Variants in IKZF4 observed in about 807,000 individuals in gnomAD.
The protein encoded by IKZF4 is zinc finger protein Eos.
IKZF4 carries 11 observed loss-of-function variants against 47.7 expected under a neutral mutation model. The observed-to-expected ratio is 0.23, with a 90% confidence interval of 0.15 to 0.38. The LOEUF (loss-of-function observed/expected upper bound fraction) is 0.38, where lower values mean the gene tolerates loss of function less well. Among genes scored for constraint, IKZF4 ranks in the 10% least tolerant of loss-of-function variants. The pLI is 1.00. For missense variants in IKZF4, 557 were observed against 784.9 expected, an observed-to-expected ratio of 0.71 and a Z score of 3.47; for synonymous variants, 298 against 299.4, an observed-to-expected ratio of 1.00 and a Z score of 0.05.
At chr12:56,029,082 C>T (rs1353644485) in intron 5 of IKZF4, among the ~76,000 whole-genome samples, 7 of 152,164 alleles carry the variant, frequency 4.6e-5, no homozygotes, top group Admixed American at 4.6e-4. Flanking sequence ...CTTCTGGCTC[C>T]TGGAAATATC....
chr12:56,017,612 G>C (rs1295619228), upstream of IKZF4, among the ~76,000 whole-genome samples: 1 of 152,144 alleles, frequency 6.6e-6, no homozygotes, highest in African/African-American at 2.4e-5. Flanking sequence ...CTCAGAGGCT[G>C]GGGAGGCCTG....
Position 56,024,755 on chromosome 12 carries a change from G to A in IKZF4, c.182-299G>A, listed in dbSNP as rs1425179868. On this transcript the variant is annotated intron_variant, in intron 2 of 7. Coordinates refer to ENST00000547167, the MANE Select transcript of IKZF4 (RefSeq NM_022465.4). ...TTCTGCAGCCCCCATTTTCCTCTCCGCCCTGGCGCACCCAGCCTCAGCCCT... is the reference window on the plus strand; with the variant it reads ...TTCTGCAGCCCCCATTTTCCTCTCCACCCTGGCGCACCCAGCCTCAGCCCT... 27 of 1,249,974 alleles carry A rather than the reference G, an allele frequency of 2.2e-5. No individual in the cohort carries two copies. In the East Asian group the frequency reaches 6.0e-4, roughly 28 times the overall value. The allele number at this position is 1,249,974 out of a possible 1,614,324, so 77.4% of individuals were successfully genotyped here. A position where few individuals can be genotyped will look rare whatever the true frequency, so the allele number is the denominator to read the frequency against.
Position 56,021,542 on chromosome 12 carries a change from G to A in IKZF4, c.49G>A (p.Val17Ile), listed in dbSNP as rs200210495. 107 of 1,609,330 alleles carry A rather than the reference G, an allele frequency of 6.6e-5. 4 individuals carry two copies. In the South Asian group the frequency reaches 1.0e-3, roughly 15 times the overall value. ...LPRRFQGGGR[V>I]RTPGSHRQGK... ...TCGCCGTTTCCAAGGCGGCGGCCGC[G>A]TTCGCACCCCAGGGTCTCACCGGCA... Residue 17 changes from valine (V) to isoleucine (I), a missense_variant, in exon 1 of 8, where the codon GTT becomes ATT. Transcript: ENST00000547167.
Position 56,021,396 on chromosome 12 carries a change from G to C in IKZF4, c.-98G>C. The C allele has an allele frequency of 6.5e-7, 1 of 1,550,114 alleles. No individual in the cohort carries two copies. Among genetic ancestry groups the C allele is most frequent in the Non-Finnish European group, 8.7e-7 (1 of 1,147,078 alleles). On this transcript the variant is annotated 5_prime_UTR_variant, in exon 1 of 8. Coordinates refer to ENST00000547167, the MANE Select transcript of IKZF4 (RefSeq NM_022465.4). ...CTCTGCTCACCGTGCCGCTGCTGCT[G>C]CCTGCGAAATGACGGCGGTTCCCCT...
At position 56,024,823 on chromosome 12, in the gene IKZF4, C is replaced by G; in HGVS notation, c.182-231C>G. On this transcript the variant is annotated intron_variant, in intron 2 of 7. Coordinates refer to ENST00000547167, the MANE Select transcript of IKZF4 (RefSeq NM_022465.4). ...GGCAGTGATGCTCTTGCCCTCAGGCCTAGATAAAGGTAGGGTAGGCAAGGC... is the reference window on the plus strand; with the variant it reads ...GGCAGTGATGCTCTTGCCCTCAGGCGTAGATAAAGGTAGGGTAGGCAAGGC... The G allele has an allele frequency of 2.9e-6, 4 of 1,391,376 alleles. No individual in the cohort carries two copies. The South Asian group carries it at 5.7e-5, about 20-fold the overall frequency. 86.2% of individuals were successfully genotyped at this position (1,391,376 alleles called of 1,614,324 possible).
upstream of IKZF4, chr12:56,019,485 TA>T (rs1170756347): frequency 3.0e-6 from 1 of 337,806 alleles, no homozygotes; most frequent in African/African-American, 2.2e-5. Flanking sequence ...AGGCATTCAA[TA>T]TCTGCCACAT....
At chr12:56,033,585 T>TA (rs1447302554) in intron 7 of IKZF4, among the ~76,000 whole-genome samples, 2 of 152,066 alleles carry the variant, frequency 1.3e-5, no homozygotes, top group Non-Finnish European at 2.9e-5. Flanking sequence ...CGGGCACCTG[T>TA]AGTCCCAGCT....
rs1267029540 is a variant in IKZF4 at position 56,023,753 on chromosome 12, T to C, written c.170T>C (p.Leu57Ser). ...QDSNHFIMES[L>S]FCESSGDSSL... is the part of the protein sequence containing the mutation. The stretch of plus-strand genomic sequence containing the variant: ...TCCAACCATTTTATAATGGAATCTT[T>C]ATTTTGTGAAAGTAAGTATGTGCAT... The change falls in exon 2 of 8, where the codon TTA becomes TCA. Residue 57 changes from leucine to serine, a missense_variant. Leu to Ser is a moderately radical substitution (Grantham distance 145). This residue lies in a region of IKZF4 where 112 missense variants were observed against 168.2 expected (regional missense o/e 0.67). Transcript: ENST00000547167. The C allele has an allele frequency of 6.2e-7, 1 of 1,613,790 alleles. No individual in the cohort carries two copies. Among genetic ancestry groups the C allele is most frequent in the East Asian group, 2.2e-5 (1 of 44,868 alleles).
chr12:56,016,425 T>C (rs1194869268), upstream of IKZF4, among the ~76,000 whole-genome samples: 1 of 133,056 alleles, frequency 7.5e-6, no homozygotes, highest in East Asian at 2.1e-4. Flanking sequence ...TTTTCTTTTC[T>C]TTTTTTTTTT....
chr12:56,029,857 C>A (rs1386431042), intron 5 of IKZF4: 1 of 152,162 alleles, frequency 6.6e-6, no homozygotes, highest in Non-Finnish European at 1.5e-5. Flanking sequence ...AATACATACT[C>A]CTTTTCCTCA....
intron 2 of IKZF4, chr12:56,024,801 A>C: frequency 7.5e-7 from 1 of 1,334,278 alleles, no homozygotes; most frequent in Non-Finnish European, 9.6e-7. Context: ...GACGTCAGGC[A>C]GTGATGCTCT....
At chr12:56,023,894 G>A in intron 2 of IKZF4, 130 bp downstream of exon 2, 1 of 1,496,278 alleles carries the variant, frequency 6.7e-7, no homozygotes, top group Non-Finnish European at 8.9e-7. Context: ...ATTTAGGCCT[G>A]TGTGCACACA....
rs56857131 is a variant in IKZF4, at chr12:56,021,294, TCA to T, written c.-178_-177del. 1.9e-4 allele frequency: 220 copies of T among 1,141,518 alleles called. No individual in the cohort carries two copies. Among genetic ancestry groups the T allele is most frequent in the African/African-American group, 4.7e-4 (27 of 57,526 alleles). The allele number at this position is 1,141,518 out of a possible 1,614,324, so 70.7% of individuals were successfully genotyped here. A position where few individuals can be genotyped will look rare whatever the true frequency, so the allele number is the denominator to read the frequency against. ...CTCTCCCTCTCTCTCTCTCTCTCTC[TCA>T]CACACACACACACACACACACTCAA... On this transcript the variant is annotated 5_prime_UTR_variant, in exon 1 of 8. Transcript: ENST00000547167.
intron 5 of IKZF4, among the ~76,000 whole-genome samples, chr12:56,031,212 C>T (rs1188994663): frequency 1.3e-5 from 2 of 151,956 alleles, no homozygotes; most frequent in Non-Finnish European, 2.9e-5. Flanking sequence ...GATCGTGCCA[C>T]TGCACTCCAG....
chr12:56,032,416 T>A, intron 5 of IKZF4, 145 bp from the exon 6 acceptor site: 1 of 771,636 alleles, frequency 1.3e-6, no homozygotes, highest in Non-Finnish European at 2.0e-6. Context: ...CAGTTGAAGT[T>A]GGGAAATGAA....
At chr12:56,012,580 C>CTT (rs60809792) in intron 2 of IKZF4, among the ~76,000 whole-genome samples, 3 of 144,112 alleles carry the variant, frequency 2.1e-5, no homozygotes, top group African/African-American at 5.1e-5. Flanking sequence ...GCCTAAATTA[C>CTT]TTTTTTTTTT....
chr12:56,028,053 G>T, intron 5 of IKZF4, 106 bp downstream of exon 5: 13 of 1,245,002 alleles, frequency 1.0e-5, no homozygotes, highest in Non-Finnish European at 1.4e-5. Flanking sequence ...CTGTCATTGA[G>T]GAGGGGGGAG....
At chr12:56,009,486 CCTA>C (rs1891097323) in intron 1 of IKZF4, among the ~76,000 whole-genome samples, 1 of 152,156 alleles carries the variant, frequency 6.6e-6, no homozygotes, top group African/African-American at 2.4e-5. Flanking sequence ...TTCAGCTTTC[CCTA>C]CTAACAGCCT....
chr12:56,024,725 G>A, intron 2 of IKZF4: 1 of 1,204,830 alleles, frequency 8.3e-7, no homozygotes, highest in Non-Finnish European at 1.0e-6. Context: ...CTGAACATCT[G>A]TCCCTTCTGC....
Sources: gnomAD v4.1 joint callset for allele counts (sites outside exome capture counted in the v4.1 genomes callset) on GRCh38, gnomAD v4.1.1 for gene constraint, gnomAD v4.1.1 regional missense constraint, MANE v1.5 for transcripts, NCBI Gene and HGNC (gene_info 2026-07-23, HGNC 2026-07-21) for gene names.